The following PDE1C variants were observed in gnomAD, a reference collection of about 807,000 sequenced individuals.
PDE1C encodes the protein dual specificity calcium/calmodulin-dependent 3',5'-cyclic nucleotide phosphodiesterase 1C.
In PDE1C, 62 loss-of-function variants were observed where a neutral mutation model predicts 93.1. The observed-to-expected ratio is 0.67, with a 90% CI of 0.54 to 0.82. PDE1C has a LOEUF of 0.82. Among genes scored for constraint, PDE1C ranks in the 40% least tolerant of loss-of-function variants. PDE1C has a pLI of 0.00. For synonymous variants in PDE1C, 325 were observed against 310.1 expected (o/e 1.05, Z -0.50); for missense variants, 742 against 884.6 (o/e 0.84, Z 2.04).
intron 3 of PDE1C, among the ~76,000 whole-genome samples, chr7:32,147,272 A>AAG (rs3078680): frequency 0.045 from 4,387 of 96,500 alleles, 335 homozygotes; most frequent in Middle Eastern, 0.091. Context: ...AAGAAAGAAA[A>AAG]AAAGAAAGAA....
At chr7:32,255,618 G>T (rs1265904165) in intron 1 of PDE1C, among the ~76,000 whole-genome samples, 1 of 152,158 alleles carries the variant, frequency 6.6e-6, no homozygotes, top group Non-Finnish European at 1.5e-5. Context: ...AAAGAGAAAA[G>T]GATATTTGTC....
At chr7:32,153,450 G>C (rs893757888) in intron 3 of PDE1C, among the ~76,000 whole-genome samples, 6 of 152,144 alleles carry the variant, frequency 3.9e-5, no homozygotes, top group African/African-American at 1.4e-4. Flanking sequence ...ACCCGTCAAG[G>C]CAGTGTGGAT....
rs572608759 is a variant in PDE1C at position 31,951,628 on chromosome 7, C to T, written c.129-70768G>A. On this transcript the variant is annotated intron_variant, in intron 2 of 17. Coordinates refer to ENST00000396191, the MANE Select transcript of PDE1C (RefSeq NM_001191057.4). ...CTGGGATTTCTCCCTCAGAGACAAC[C>T]ACACATTGTCAGGGGCTTCCTTTAT... Among the ~76,000 whole-genome samples the T allele has an allele frequency of 5.9e-4, 90 of 152,306 alleles. 1 individual carries two copies. The highest frequency in any genetic ancestry group is 2.0e-3 in the African/African-American group (85 of 41,578).
intron 1 of PDE1C, among the ~76,000 whole-genome samples, chr7:32,216,224 G>A (rs75015714): frequency 0.16 from 24,295 of 152,066 alleles, 2,230 homozygotes; most frequent in East Asian, 0.31. Context: ...CTCAGATATC[G>A]TCTTCTAGGT....
At chr7:31,945,201 T>C (rs998688522) in intron 2 of PDE1C, among the ~76,000 whole-genome samples, 3 of 152,206 alleles carry the variant, frequency 2.0e-5, no homozygotes, top group Admixed American at 6.5e-5. Flanking sequence ...CTGTCATTCA[T>C]TTCACTTATT....
chr7:31,972,100 C>T (rs901997424), intron 2 of PDE1C, among the ~76,000 whole-genome samples: 2 of 152,188 alleles, frequency 1.3e-5, no homozygotes, highest in African/African-American at 4.8e-5. Flanking sequence ...AAGGACCCAG[C>T]AACCTCTATG....
At chr7:32,062,569 C>T (rs1292231567) in intron 1 of PDE1C, among the ~76,000 whole-genome samples, 1 of 152,230 alleles carries the variant, frequency 6.6e-6, no homozygotes. Flanking sequence ...GCATGCGTCT[C>T]TTTTCCTCAG....
At chr7:32,021,411 G>A (rs1788652121) in intron 2 of PDE1C, among the ~76,000 whole-genome samples, 1 of 152,082 alleles carries the variant, frequency 6.6e-6, no homozygotes, top group Non-Finnish European at 1.5e-5. Flanking sequence ...TCCTAGCTTT[G>A]AGTATGTTCT....
intron 2 of PDE1C, among the ~76,000 whole-genome samples, chr7:32,040,430 T>C (rs1445995315): frequency 1.3e-5 from 2 of 152,154 alleles, no homozygotes; most frequent in Non-Finnish European, 2.9e-5. Context: ...ATACCAGTAA[T>C]ATACCCCATA....
chr7:31,863,052 T>G (rs1794865586), intron 7 of PDE1C, among the ~76,000 whole-genome samples: 1 of 152,180 alleles, frequency 6.6e-6, no homozygotes, highest in African/African-American at 2.4e-5. Context: ...TGCTTTGAAT[T>G]TATAGATTAC....
chr7:32,419,633 C>T (rs563400407), intron 1 of PDE1C, among the ~76,000 whole-genome samples: 2 of 152,282 alleles, frequency 1.3e-5, no homozygotes, highest in East Asian at 3.9e-4. Flanking sequence ...GGCTGCCTAG[C>T]CCTGGGCTTC....
At chr7:32,170,094 G>T (rs1802550806) in intron 2 of PDE1C, 3 of 740,766 alleles carry the variant, frequency 4.0e-6, no homozygotes, top group Non-Finnish European at 6.7e-6. Context: ...ACATTACAGA[G>T]TTGTAACCAG....
At chr7:31,926,997 G>A (rs1040244174) in intron 2 of PDE1C, among the ~76,000 whole-genome samples, 2 of 152,162 alleles carry the variant, frequency 1.3e-5, no homozygotes, top group Non-Finnish European at 2.9e-5. Flanking sequence ...TTGAAGCTAG[G>A]GAGCCAAGTG....
At chr7:31,967,757 A>G (rs887864831) in intron 2 of PDE1C, among the ~76,000 whole-genome samples, 1 of 152,190 alleles carries the variant, frequency 6.6e-6, no homozygotes, top group African/African-American at 2.4e-5. Context: ...AAGCTTATCC[A>G]CCATGATCAA....
At chr7:31,814,407 C>T (rs557686206) in intron 15 of PDE1C, among the ~76,000 whole-genome samples, 1 of 152,038 alleles carries the variant, frequency 6.6e-6, no homozygotes, top group East Asian at 1.9e-4. Flanking sequence ...CAATGGCCTT[C>T]TGTGCCTCCT....
the PDE1C span, among the ~76,000 whole-genome samples, chr7:31,719,795 C>A: frequency 6.6e-6 from 1 of 152,202 alleles, no homozygotes. Flanking sequence ...CCGAAAGAAA[C>A]CAGCACCATG....
chr7:32,237,049 G>C (rs978670795), intron 1 of PDE1C, among the ~76,000 whole-genome samples: 1 of 149,634 alleles, frequency 6.7e-6, no homozygotes, highest in Non-Finnish European at 1.5e-5. Flanking sequence ...GTCTCAAAAG[G>C]TTACATACTG....
At chr7:32,263,756 C>A (rs1026141414) in intron 1 of PDE1C, among the ~76,000 whole-genome samples, 4 of 152,108 alleles carry the variant, frequency 2.6e-5, no homozygotes, top group Non-Finnish European at 5.9e-5. Context: ...ACACCCTCCC[C>A]CCAACACTTT....
chr7:32,126,108 T>C (rs1799564146), intron 3 of PDE1C, among the ~76,000 whole-genome samples: 1 of 152,102 alleles, frequency 6.6e-6, no homozygotes, highest in Non-Finnish European at 1.5e-5. Context: ...GTTTTTGTTT[T>C]CCTAGAACCT....
Sources: gnomAD v4.1 joint callset for allele counts (sites outside exome capture counted in the v4.1 genomes callset) on GRCh38, gnomAD v4.1.1 for gene constraint, MANE v1.5 for transcripts, NCBI Gene and HGNC (gene_info 2026-07-23, HGNC 2026-07-21) for gene names.